TMEM117: variants seen among roughly 807,000 people sequenced by gnomAD.
The protein encoded by TMEM117 is transmembrane protein 117.
TMEM117 carries 27 observed loss-of-function variants against 52.4 expected under a neutral mutation model. The ratio of observed to expected loss-of-function variants is 0.51; its 90% CI spans 0.38 to 0.71. TMEM117 has a LOEUF of 0.71. Among genes scored for constraint, TMEM117 ranks in the 30% least tolerant of loss-of-function variants. The pLI is 0.00. For missense variants in TMEM117, 556 were observed against 630.5 expected (o/e 0.88, Z 1.26); for synonymous variants, 215 against 206.3 (o/e 1.04, Z -0.36).
intron 6 of TMEM117, among the ~76,000 whole-genome samples, chr12:44,302,830 T>C (rs1950857847): frequency 1.3e-5 from 2 of 152,142 alleles, no homozygotes; most frequent in Non-Finnish European, 2.9e-5. Context: ...CATTTGAAAA[T>C]ATATAAGACA....
At chr12:44,146,519 A>T (rs1254067800) in intron 4 of TMEM117, among the ~76,000 whole-genome samples, 1 of 152,160 alleles carries the variant, frequency 6.6e-6, no homozygotes, top group Non-Finnish European at 1.5e-5. Flanking sequence ...CACATTAGAC[A>T]CAGGGATAGA....
In TMEM117 at chr12:44,235,356, GA is replaced by G. The variant is rs1157004636; in HGVS notation, c.608+23972del. On this transcript the variant is annotated intron_variant, in intron 5 of 7. Coordinates refer to ENST00000266534, the MANE Select transcript of TMEM117 (RefSeq NM_032256.3). ...TGTTAAATGCACAGTTAGATTTTTA[GA>G]AACAATCTGAAAATCTTTTTTTTTT... Among the ~76,000 whole-genome samples, 6 of 150,228 alleles carry G rather than the reference GA, an allele frequency of 4.0e-5. No individual in the cohort carries two copies. In the East Asian group the frequency reaches 1.2e-3, roughly 29 times the overall value.
chr12:43,958,098 A>C (rs1259217051), intron 3 of TMEM117, among the ~76,000 whole-genome samples: 2 of 152,208 alleles, frequency 1.3e-5, no homozygotes, highest in Admixed American at 1.3e-4. Context: ...ACTCTTTAAT[A>C]AGCACTTGTT....
At chr12:44,243,574 C>A (rs1302260612) in intron 5 of TMEM117, among the ~76,000 whole-genome samples, 1 of 151,804 alleles carries the variant, frequency 6.6e-6, no homozygotes, top group African/African-American at 2.4e-5. Flanking sequence ...ATCATAGAAT[C>A]ATTAAATCAG....
At chr12:43,939,152 G>C (rs1358571635) in intron 2 of TMEM117, among the ~76,000 whole-genome samples, 1 of 152,178 alleles carries the variant, frequency 6.6e-6, no homozygotes, top group Non-Finnish European at 1.5e-5. Flanking sequence ...TGGAATGCCT[G>C]CTATGCTGAT....
chr12:44,107,612 T>G (rs1183227494), intron 3 of TMEM117, among the ~76,000 whole-genome samples: 6 of 152,108 alleles, frequency 3.9e-5, no homozygotes, highest in Non-Finnish European at 5.9e-5. Context: ...CAGCACAGAC[T>G]GAATTTTTAA....
the TMEM117 span, chr12:43,797,846 G>T: frequency 1.2e-6 from 2 of 1,607,400 alleles, no homozygotes; most frequent in Non-Finnish European, 1.7e-6. Flanking sequence ...AAGTATGACA[G>T]ATTTAATTTA....
the TMEM117 span, among the ~76,000 whole-genome samples, chr12:43,802,090 A>G: frequency 6.6e-6 from 1 of 152,302 alleles, no homozygotes; most frequent in African/African-American, 2.4e-5. Flanking sequence ...AGTAATAATT[A>G]TTTTGATTTC....
chr12:43,836,361 G>A lies in TMEM117; in HGVS notation c.-29+165G>A, dbSNP rs558616090. Among the ~76,000 whole-genome samples, 15 of 152,340 alleles carry A rather than the reference G, an allele frequency of 9.8e-5. 1 individual carries two copies. The South Asian group carries it at 2.9e-3, about 29-fold the overall frequency. On this transcript the variant is annotated intron_variant, in intron 1 of 7. Transcript: ENST00000266534. ...CGGCCCGGCCCCCGAATTCTCCGGC[G>A]CCTCTGCTCCTGCCTTCCTGGGGAT...
chr12:44,090,924 A>C (rs1335172723), intron 3 of TMEM117, among the ~76,000 whole-genome samples: 1 of 139,982 alleles, frequency 7.1e-6, no homozygotes, highest in African/African-American at 2.8e-5. Flanking sequence ...AGAGTGTATT[A>C]CCTCTCTATG....
At chr12:44,312,841 C>T (rs1212993357) in intron 6 of TMEM117, among the ~76,000 whole-genome samples, 1 of 152,128 alleles carries the variant, frequency 6.6e-6, no homozygotes, top group East Asian at 1.9e-4. Context: ...TTTTGATTTG[C>T]ATTTCTCTGA....
At chr12:43,987,911 A>G (rs1174586909) in intron 3 of TMEM117, among the ~76,000 whole-genome samples, 1 of 152,132 alleles carries the variant, frequency 6.6e-6, no homozygotes, top group Non-Finnish European at 1.5e-5. Flanking sequence ...AAACACATGA[A>G]TGTTTGAAGA....
At chr12:43,830,041 TTG>T in the TMEM117 span, among the ~76,000 whole-genome samples, 1 of 148,542 alleles carries the variant, frequency 6.7e-6, no homozygotes, top group African/African-American at 2.5e-5. Context: ...TGAGGCGAGA[TTG>T]CGCCACTGCA....
intron 2 of TMEM117, among the ~76,000 whole-genome samples, chr12:43,871,159 G>A (rs1210941551): frequency 6.7e-6 from 1 of 150,062 alleles, no homozygotes; most frequent in Admixed American, 6.6e-5. Flanking sequence ...CTGGAGTGCA[G>A]TGGCACGATC....
chr12:44,117,707 T>A (rs1307881346), intron 3 of TMEM117, among the ~76,000 whole-genome samples: 1 of 152,174 alleles, frequency 6.6e-6, no homozygotes, highest in East Asian at 1.9e-4. Flanking sequence ...GCTTCACTTT[T>A]ATATCATCTA....
intron 3 of TMEM117, among the ~76,000 whole-genome samples, chr12:44,128,719 A>G (rs1033314396): frequency 2.0e-5 from 3 of 152,162 alleles, no homozygotes; most frequent in African/African-American, 4.8e-5. Context: ...TGCTTTCAGT[A>G]TTTGTGAGGG....
At chr12:43,888,963 C>T (rs1944050911) in intron 2 of TMEM117, among the ~76,000 whole-genome samples, 1 of 152,080 alleles carries the variant, frequency 6.6e-6, no homozygotes, top group Non-Finnish European at 1.5e-5. Context: ...GATCAGCGGT[C>T]CCCAACCTTT....
At chr12:43,986,900 T>C (rs1945856605) in intron 3 of TMEM117, among the ~76,000 whole-genome samples, 1 of 152,198 alleles carries the variant, frequency 6.6e-6, no homozygotes, top group African/African-American at 2.4e-5. Flanking sequence ...TTTAAGGCTA[T>C]ATTTTTTTAT....
chr12:43,797,117 C>G, the TMEM117 span: 1 of 1,569,540 alleles, frequency 6.4e-7, no homozygotes, highest in South Asian at 1.2e-5. Flanking sequence ...CAAATAATAA[C>G]AAATATAATT....
Sources: allele counts gnomAD v4.1 joint callset (sites outside exome capture counted in the v4.1 genomes callset), GRCh38; gene constraint gnomAD v4.1.1; transcripts MANE v1.5; gene names NCBI Gene and HGNC (gene_info 2026-07-23, HGNC 2026-07-21).